ABCB5: variants seen among roughly 807,000 people sequenced by gnomAD.
ABCB5 encodes ATP binding cassette subfamily B member 5, also known as ATP-binding cassette sub-family B member 5.
ABCB5 carries 155 observed loss-of-function variants against 144.2 expected under a neutral mutation model. That is an observed-to-expected ratio of 1.08 (90% confidence interval 0.94 to 1.23). The LOEUF (loss-of-function observed/expected upper bound fraction) is 1.23. Among genes scored for constraint, ABCB5 ranks in the 50% most tolerant of loss-of-function variants. The pLI, the probability that ABCB5 is intolerant of heterozygous loss-of-function variation, is 0.00. For synonymous variants in ABCB5, 610 were observed against 528.6 expected (o/e 1.15, Z -2.11); for missense variants, 1,830 against 1,520.8 (o/e 1.20, Z -3.38).
intron 14 of ABCB5, chr7:20,659,661 G>C: frequency 1.3e-5 from 13 of 987,864 alleles, no homozygotes; most frequent in Non-Finnish European, 1.6e-5. Flanking sequence ...AAAATACAAA[G>C]ACAGGACTAA....
At chr7:20,724,076 C>T (rs905212701) in intron 21 of ABCB5, among the ~76,000 whole-genome samples, 12 of 152,146 alleles carry the variant, frequency 7.9e-5, no homozygotes, top group Admixed American at 6.5e-4. Context: ...GTCAAGCGTC[C>T]ATCCCCATCT....
intron 24 of ABCB5, among the ~76,000 whole-genome samples, chr7:20,739,363 T>G (rs1017735936): frequency 6.6e-6 from 1 of 151,128 alleles, no homozygotes; most frequent in African/African-American, 2.4e-5. Flanking sequence ...AAATAAAAGT[T>G]GAAAAAATAA....
At chr7:20,722,132 C>T (rs1781887233) in intron 20 of ABCB5, among the ~76,000 whole-genome samples, 1 of 152,098 alleles carries the variant, frequency 6.6e-6, no homozygotes, top group African/African-American at 2.4e-5. Context: ...TTAATAGTAA[C>T]TATGATTCTG....
At chr7:20,620,780 T>G (rs1783790854) in intron 1 of ABCB5, among the ~76,000 whole-genome samples, 1 of 152,184 alleles carries the variant, frequency 6.6e-6, no homozygotes, top group African/African-American at 2.4e-5. Context: ...GAAAGCCTTG[T>G]ACATTGCTCG....
In ABCB5 at chr7:20,699,902, T is replaced by C; in HGVS notation, c.2232T>C (p.Val744=). 5 of 1,612,948 alleles carry C rather than the reference T, an allele frequency of 3.1e-6. No individual in the cohort carries two copies. Among genetic ancestry groups the C allele is most frequent in the Non-Finnish European group, 3.4e-6 (4 of 1,179,412 alleles). ...CCATGATATTCGTCATTTTGGGTGTTATTTGCTTTGTCAGTTATTTCATGC... is the reference window on the plus strand; with the variant it reads ...CCATGATATTCGTCATTTTGGGTGTCATTTGCTTTGTCAGTTATTTCATGC... ...IYSMIFVILG[V]ICFVSYFMQG... Residue 744 remains valine (V), a synonymous_variant, in exon 18 of 28, where the codon GTT becomes GTC. Coordinates refer to ENST00000404938, the MANE Select transcript of ABCB5 (RefSeq NM_001163941.2).
chr7:20,748,630 A>G (rs190774451), intron 26 of ABCB5, among the ~76,000 whole-genome samples: 2 of 127,840 alleles, frequency 1.6e-5, no homozygotes, highest in East Asian at 5.1e-4. Context: ...AGCCTGGGCA[A>G]CAAGAGTGAG....
intron 13 of ABCB5, among the ~76,000 whole-genome samples, chr7:20,657,610 G>C (rs1205138082): frequency 6.6e-6 from 1 of 152,180 alleles, no homozygotes; most frequent in East Asian, 1.9e-4. Flanking sequence ...GTATCTGCAG[G>C]CATGGTATGG....
intron 16 of ABCB5, among the ~76,000 whole-genome samples, chr7:20,697,730 T>C (rs769988556): frequency 4.6e-5 from 7 of 152,216 alleles, no homozygotes; most frequent in Non-Finnish European, 7.3e-5. Context: ...CTAGCATTTA[T>C]TGGGTGTTTA....
chr7:20,753,248 C>CA, intron 26 of ABCB5, 112 bp from the exon 27 acceptor site: 1 of 1,353,300 alleles, frequency 7.4e-7, no homozygotes, highest in South Asian at 1.5e-5. Flanking sequence ...TGTTGGGACA[C>CA]AAATTTTCAA....
chr7:20,710,970 T>G (rs1450694593), intron 20 of ABCB5, among the ~76,000 whole-genome samples: 2 of 149,908 alleles, frequency 1.3e-5, no homozygotes, highest in African/African-American at 4.9e-5. Flanking sequence ...TTCTAGTGGT[T>G]ACTTTAGGCT....
intron 16 of ABCB5, among the ~76,000 whole-genome samples, chr7:20,691,903 G>A (rs1015892358): frequency 6.6e-6 from 1 of 151,468 alleles, no homozygotes; most frequent in Non-Finnish European, 1.5e-5. Flanking sequence ...AAAATCACCA[G>A]GCAAGCAAAA....
chr7:20,681,801 G>A (rs1785839538), intron 15 of ABCB5, 135 bp downstream of exon 15: 1 of 971,104 alleles, frequency 1.0e-6, no homozygotes, highest in Non-Finnish European at 1.5e-6. Flanking sequence ...CCTCAGTAAA[G>A]AAATGGAGTG....
chr7:20,745,529 G>A (rs1361418906), intron 26 of ABCB5, 91 bp downstream of exon 26: 2 of 1,115,340 alleles, frequency 1.8e-6, no homozygotes, highest in South Asian at 1.4e-5. Context: ...TGTATTCCTT[G>A]GATTATACAA....
intron 22 of ABCB5, among the ~76,000 whole-genome samples, chr7:20,728,054 T>C (rs1162996189): frequency 6.6e-6 from 1 of 152,220 alleles, no homozygotes; most frequent in African/African-American, 2.4e-5. Flanking sequence ...CCCATTCATT[T>C]AACAGTATAT....
At chr7:20,618,442 T>G (rs1056452535) in intron 1 of ABCB5, among the ~76,000 whole-genome samples, 1 of 152,210 alleles carries the variant, frequency 6.6e-6, no homozygotes, top group African/African-American at 2.4e-5. Context: ...AGCTTACCTG[T>G]GCAGGCAGGT....
intron 14 of ABCB5, chr7:20,667,283 C>G: frequency 1.0e-6 from 1 of 984,208 alleles, no homozygotes; most frequent in Non-Finnish European, 1.2e-6. Context: ...AGATGAAATG[C>G]TTGATAAGTA....
In ABCB5 at chr7:20,647,982, T is replaced by C. The variant is rs558475239; in HGVS notation, c.1110T>C (p.Asp370=). The change falls in exon 11 of 28, where the codon GAT becomes GAC. Residue 370 remains aspartate, a synonymous_variant. Coordinates refer to ENST00000404938, the MANE Select transcript of ABCB5 (RefSeq NM_001163941.2). ...FQVIDKKPSI[D]NFSTAGYKPE... ...GTTTTTCCAAGAAACCCAGTATAGATAACTTTTCCACAGCTGGATATAAAC... is the reference window on the plus strand; with the variant it reads ...GTTTTTCCAAGAAACCCAGTATAGACAACTTTTCCACAGCTGGATATAAAC... The C allele has an allele frequency of 1.1e-5, 17 of 1,604,232 alleles. No homozygotes were observed. The Admixed American group carries it at 2.8e-4, about 27-fold the overall frequency.
Position 20,643,543 on chromosome 7 carries a change from G to A in ABCB5, c.589G>A (p.Ala197Thr). 6.2e-7 allele frequency: 1 copy of A among 1,613,960 alleles called. No homozygotes were observed. Among genetic ancestry groups the A allele is most frequent in the Non-Finnish European group, 8.5e-7 (1 of 1,179,878 alleles). The change falls in exon 7 of 28, where the codon GCA (alanine) becomes ACA (threonine). Residue 197 changes from alanine to threonine, a missense_variant. Physicochemically the swap from Ala to Thr is moderately conservative, Grantham distance 58. Transcript: ENST00000404938. ...QNMSTFSIGL[A>T]VGLVKGWKLT... ...CATGTCTACTTTTTCGATTGGCCTG[G>A]CAGTTGGTTTGGTGAAGGGCTGGAA...
rs116000101 is a variant in ABCB5 at position 20,657,599 on chromosome 7, G to A, written c.1537-907G>A. Among the ~76,000 whole-genome samples the A allele has an allele frequency of 7.3e-3, 1,115 of 152,220 alleles. 12 individuals carry two copies. The highest frequency in any genetic ancestry group is 0.026 in the African/African-American group (1,065 of 41,528). On this transcript the variant is annotated intron_variant, in intron 13 of 27. Transcript: ENST00000404938. ...GTATAGTGATAAAAATCAAATCAGC[G>A]GTATCTGCAGGCATGGTATGGGTTT...
Sources: allele counts gnomAD v4.1 joint callset (sites outside exome capture counted in the v4.1 genomes callset), GRCh38; gene constraint gnomAD v4.1.1; transcripts MANE v1.5; gene names NCBI Gene and HGNC (gene_info 2026-07-23, HGNC 2026-07-21).